The following NAA16 variants were observed in gnomAD, a reference collection of about 807,000 sequenced individuals.
The protein encoded by NAA16 is N-alpha-acetyltransferase 16, NatA auxiliary subunit.
A neutral mutation model predicts 110.3 loss-of-function variants in NAA16; 97 were observed. The observed-to-expected ratio is 0.88, with a 90% CI of 0.75 to 1.04. The LOEUF is 1.04. NAA16 is among the 50% of genes least tolerant of loss of function. The probability of loss-of-function intolerance (pLI) is 0.00; values close to 1 mark genes in which losing one functional copy is unlikely to be tolerated. For synonymous variants in NAA16, 372 were observed against 330.6 expected, an observed-to-expected ratio of 1.13 and a Z score of -1.36; for missense variants, 1,017 against 1,005.1, an observed-to-expected ratio of 1.01 and a Z score of -0.16.
Position 41,375,825 on chromosome 13 carries a change from C to A in NAA16, c.*223C>A, listed in dbSNP as rs41288287. On this transcript the variant is annotated 3_prime_UTR_variant, in exon 20 of 20. Transcript: ENST00000379406. The stretch of plus-strand genomic sequence containing the variant: ...TACACAGTTTTGTGGTAGCTCCGAT[C>A]GCTTCTGTATAATTATAATTTCTTA... 7.4e-6 allele frequency: 3 copies of A among 404,822 alleles called. No homozygotes were observed. Among genetic ancestry groups the A allele is most frequent in the Admixed American group, 8.2e-5 (2 of 24,432 alleles). 25.1% of individuals were successfully genotyped at this position (404,822 alleles called of 1,614,324 possible).
chr13:41,313,864 T>TC (rs1312147374), intron 1 of NAA16, among the ~76,000 whole-genome samples: 1 of 75,048 alleles, frequency 1.3e-5, no homozygotes, highest in Admixed American at 1.5e-4. Flanking sequence ...TGTAGATTTG[T>TC]CTTTTTTTTT....
intron 9 of NAA16, among the ~76,000 whole-genome samples, chr13:41,350,610 T>G (rs1225172662): frequency 1.0e-4 from 2 of 19,402 alleles, no homozygotes; most frequent in African/African-American, 2.0e-4. Flanking sequence ...TTTTTTTGTT[T>G]TTTTTTTTTG....
chr13:41,351,506 T>C (rs913084224), intron 9 of NAA16, among the ~76,000 whole-genome samples: 5 of 152,308 alleles, frequency 3.3e-5, no homozygotes, highest in Admixed American at 3.3e-4. Flanking sequence ...GTGATTTGTC[T>C]CTTCATTGCG....
At chr13:41,353,113 T>TCAAAACAAAATAAAATAAAA (rs112150240) in intron 9 of NAA16, among the ~76,000 whole-genome samples, 1 of 150,416 alleles carries the variant, frequency 6.6e-6, no homozygotes, top group Admixed American at 6.6e-5. Context: ...AGACTCCATC[T>TCAAAACAAAATAAAATAAAA]CAAAACAAAA....
intron 5 of NAA16, among the ~76,000 whole-genome samples, 163 bp downstream of exon 5, chr13:41,323,353 C>CTTTT (rs372356009): frequency 1.4e-5 from 2 of 145,320 alleles, no homozygotes; most frequent in Non-Finnish European, 3.0e-5. Context: ...TTTTCTCTCT[C>CTTTT]TTTTTTTTTT....
At chr13:41,326,227 GATC>G (rs2042090374) in intron 6 of NAA16, among the ~76,000 whole-genome samples, 1 of 152,060 alleles carries the variant, frequency 6.6e-6, no homozygotes, top group South Asian at 2.1e-4. Flanking sequence ...ATGATACTGG[GATC>G]ATCATGAACA....
intron 10 of NAA16, among the ~76,000 whole-genome samples, chr13:41,356,125 G>A (rs1179295599): frequency 6.6e-6 from 1 of 152,196 alleles, no homozygotes; most frequent in Non-Finnish European, 1.5e-5. Context: ...GACTACAGGC[G>A]TGTGCCACCA....
chr13:41,348,269 G>A (rs1324089078), intron 9 of NAA16, among the ~76,000 whole-genome samples: 4 of 152,124 alleles, frequency 2.6e-5, no homozygotes, highest in Admixed American at 2.6e-4. Flanking sequence ...GCGGGTTCAA[G>A]CTATTCTCCT....
At chr13:41,324,501 G>A (rs1303046832) in intron 5 of NAA16, among the ~76,000 whole-genome samples, 2 of 148,820 alleles carry the variant, frequency 1.3e-5, no homozygotes, top group East Asian at 2.0e-4. Context: ...TCAGCTTCCC[G>A]AGTAGCTGGG....
chr13:41,335,225 G>T (rs199590574), intron 8 of NAA16, among the ~76,000 whole-genome samples: 1 of 151,952 alleles, frequency 6.6e-6, no homozygotes, highest in African/African-American at 2.4e-5. Context: ...AGATATCAGA[G>T]AAGAGACATT....
At chr13:41,316,750 A>G in intron 1 of NAA16, 96 bp from the exon 2 acceptor site, 1 of 770,236 alleles carries the variant, frequency 1.3e-6, no homozygotes, top group Non-Finnish European at 2.2e-6. Context: ...TTTAGACCTA[A>G]TTTTGGATCT....
Position 41,311,382 on chromosome 13 carries a change from G to A in NAA16, c.-147G>A, listed in dbSNP as rs1045430448. 2.8e-6 allele frequency: 2 copies of A among 707,420 alleles called. No individual in the cohort carries two copies. The highest frequency in any genetic ancestry group is 4.7e-6 in the Non-Finnish European group (2 of 422,668). 43.8% of individuals were successfully genotyped at this position (707,420 alleles called of 1,614,324 possible). A position where few individuals can be genotyped will look rare whatever the true frequency, so the allele number is the denominator to read the frequency against. Reference sequence around the variant, plus strand: ...GCCACCCGTGCCGAACAGCCAGGCTGCCCAATTGCAACTGTAGACCAATGA... The same window carrying A: ...GCCACCCGTGCCGAACAGCCAGGCTACCCAATTGCAACTGTAGACCAATGA... On this transcript the variant is annotated 5_prime_UTR_variant, in exon 1 of 20. Transcript: ENST00000379406.
intron 13 of NAA16, among the ~76,000 whole-genome samples, chr13:41,366,990 T>C (rs190812665): frequency 1.2e-4 from 18 of 152,300 alleles, no homozygotes; most frequent in Admixed American, 1.1e-3. Flanking sequence ...AGGATTGCCC[T>C]TGAAAATGGT....
chr13:41,369,407 A>T, intron 15 of NAA16, 124 bp downstream of exon 15: 1 of 980,154 alleles, frequency 1.0e-6, no homozygotes, highest in South Asian at 2.3e-5. Flanking sequence ...GGTTTTTATA[A>T]TAGCCGTCAA....
At chr13:41,367,116 A>G (rs2043221880) in intron 13 of NAA16, among the ~76,000 whole-genome samples, 1 of 152,196 alleles carries the variant, frequency 6.6e-6, no homozygotes, top group African/African-American at 2.4e-5. Flanking sequence ...ATATGGAGGA[A>G]GAGTATTTCA....
At chr13:41,336,278 A>G (rs560587474) in intron 8 of NAA16, among the ~76,000 whole-genome samples, 4 of 152,278 alleles carry the variant, frequency 2.6e-5, no homozygotes, top group African/African-American at 9.6e-5. Flanking sequence ...GAATGAATGA[A>G]TGAGTGTTGA....
chr13:41,339,531 A>G (rs187172703), intron 9 of NAA16, among the ~76,000 whole-genome samples: 168 of 152,094 alleles, frequency 1.1e-3, no homozygotes, highest in African/African-American at 3.0e-3. Flanking sequence ...TGTCAGACAA[A>G]TTCCATAACT....
At chr13:41,372,707 T>C in intron 16 of NAA16, 25 bp from the exon 17 acceptor site, 1 of 1,577,226 alleles carries the variant, frequency 6.3e-7, no homozygotes, top group African/African-American at 1.4e-5. Context: ...TTAATGCTAT[T>C]ACTTTTGTAT....
At position 41,335,872 on chromosome 13, in the gene NAA16, T is replaced by G. The variant is rs9315831; in HGVS notation, c.908-778T>G. On this transcript the variant is annotated intron_variant, in intron 8 of 19. Transcript: ENST00000379406. ...TGACATACATGTGTTTTTTTTTTTT[T>G]CCCCCAAATGATTAGGTAAATCCAT... is the stretch of plus-strand genomic sequence containing the variant. 2.3e-5 allele frequency among the ~76,000 whole-genome samples: 3 copies of G among 131,298 alleles called. No individual in the cohort carries two copies. The South Asian group carries it at 7.3e-4, about 32-fold the overall frequency. 86.1% of individuals were successfully genotyped at this position (131,298 alleles called of 152,430 possible).
Sources: gnomAD v4.1 joint callset for allele counts (sites outside exome capture counted in the v4.1 genomes callset) on GRCh38, gnomAD v4.1.1 for gene constraint, MANE v1.5 for transcripts, NCBI Gene and HGNC (gene_info 2026-07-23, HGNC 2026-07-21) for gene names.